NCAM2: variants seen among roughly 807,000 people sequenced by gnomAD.
NCAM2 encodes neural cell adhesion molecule 2.
A neutral mutation model predicts 98.1 loss-of-function variants in NCAM2; 30 were observed. The observed-to-expected ratio is 0.31, with a 90% CI of 0.23 to 0.41. NCAM2 has a LOEUF of 0.41. Among genes scored for constraint, NCAM2 ranks in the 10% least tolerant of loss-of-function variants. NCAM2 has a pLI of 1.00. For synonymous variants in NCAM2, 368 were observed against 342.4 expected (o/e 1.07, Z -0.83); for missense variants, 867 against 1,005.8 (o/e 0.86, Z 1.87).
intron 12 of NCAM2, among the ~76,000 whole-genome samples, chr21:21,449,662 T>G (rs1291628758): frequency 6.6e-6 from 1 of 152,012 alleles, no homozygotes; most frequent in Non-Finnish European, 1.5e-5. Context: ...CTATAAACAT[T>G]AAATATTTTA....
intron 1 of NCAM2, among the ~76,000 whole-genome samples, chr21:21,034,205 T>C (rs1313268576): frequency 3.3e-5 from 5 of 152,160 alleles, no homozygotes; most frequent in Non-Finnish European, 7.4e-5. Context: ...TTGGCTCCCA[T>C]CAAGGTTAAG....
intron 1 of NCAM2, among the ~76,000 whole-genome samples, chr21:21,065,460 C>T (rs1205396000): frequency 6.6e-6 from 1 of 152,130 alleles, no homozygotes; most frequent in Non-Finnish European, 1.5e-5. Context: ...CTTTACATAA[C>T]CCACAGTCTA....
chr21:21,441,390 A>G (rs1016042737), intron 12 of NCAM2, among the ~76,000 whole-genome samples: 15 of 152,324 alleles, frequency 9.8e-5, no homozygotes, highest in African/African-American at 3.6e-4. Flanking sequence ...TTTTAGTTAT[A>G]TTGAACAAAA....
chr21:21,140,457 A>G (rs1166772577), intron 1 of NCAM2, among the ~76,000 whole-genome samples: 1 of 152,186 alleles, frequency 6.6e-6, no homozygotes, highest in Non-Finnish European at 1.5e-5. Flanking sequence ...AAATAATGAT[A>G]ATCTTTTCCT....
chr21:21,096,592 TCTC>T (rs2066129367), intron 1 of NCAM2, among the ~76,000 whole-genome samples: 1 of 151,820 alleles, frequency 6.6e-6, no homozygotes, highest in Non-Finnish European at 1.5e-5. Flanking sequence ...GTGTTTTCCT[TCTC>T]CTAGTATCAT....
chr21:21,394,700 G>A (rs551508182), intron 9 of NCAM2, among the ~76,000 whole-genome samples: 118 of 151,634 alleles, frequency 7.8e-4, no homozygotes, highest in African/African-American at 2.7e-3. Flanking sequence ...TGTTAGCCAG[G>A]ATGGTCTCGA....
intron 1 of NCAM2, among the ~76,000 whole-genome samples, chr21:21,220,322 C>T (rs1309443349): frequency 6.6e-6 from 1 of 152,164 alleles, no homozygotes; most frequent in East Asian, 1.9e-4. Flanking sequence ...AATTTTTGTA[C>T]TGTGTTTTAC....
intron 1 of NCAM2, among the ~76,000 whole-genome samples, chr21:21,053,393 C>T (rs932165763): frequency 1.3e-5 from 2 of 151,806 alleles, no homozygotes; most frequent in African/African-American, 4.8e-5. Context: ...TTTTTTATTA[C>T]CAATACTGAT....
chr21:21,542,276 G>A lies in NCAM2; in HGVS notation c.*4319G>A, dbSNP rs768353930. The A allele has an allele frequency of 3.3e-5, 5 of 151,640 alleles. No homozygotes were observed. Among genetic ancestry groups the A allele is most frequent in the Non-Finnish European group, 7.4e-5 (5 of 67,772 alleles). The allele number at this position is 151,640 out of a possible 1,614,324, so 9.4% of individuals were successfully genotyped here. On this transcript the variant is annotated 3_prime_UTR_variant, in exon 18 of 18. Transcript: ENST00000400546. ...GATGCAGCTATTTACAATTATACAAGAATGCGAATAGATTAATTATATCTT... is the reference window on the plus strand; with the variant it reads ...GATGCAGCTATTTACAATTATACAAAAATGCGAATAGATTAATTATATCTT...
At chr21:21,293,278 T>C (rs1379756303) in intron 5 of NCAM2, among the ~76,000 whole-genome samples, 1 of 147,744 alleles carries the variant, frequency 6.8e-6, no homozygotes, top group Non-Finnish European at 1.5e-5. Context: ...TCCATGAGAG[T>C]GGTGATCTAA....
At chr21:21,198,150 A>G (rs2147002594) in intron 1 of NCAM2, among the ~76,000 whole-genome samples, 1 of 151,804 alleles carries the variant, frequency 6.6e-6, no homozygotes, top group South Asian at 2.1e-4. Flanking sequence ...CTACCTAAAC[A>G]GAATCTAGTT....
At chr21:21,497,644 A>G in intron 15 of NCAM2, among the ~76,000 whole-genome samples, 1 of 152,176 alleles carries the variant, frequency 6.6e-6, no homozygotes, top group East Asian at 1.9e-4. Flanking sequence ...ATTTTGACAA[A>G]ACATTTAAAA....
intron 15 of NCAM2, among the ~76,000 whole-genome samples, chr21:21,491,104 C>T (rs1291801475): frequency 6.6e-6 from 1 of 151,672 alleles, no homozygotes; most frequent in East Asian, 1.9e-4. Context: ...TAAACTTATA[C>T]TCATTAAGTT....
intron 9 of NCAM2, among the ~76,000 whole-genome samples, chr21:21,406,209 A>G (rs1053547806): frequency 3.9e-5 from 6 of 152,186 alleles, no homozygotes; most frequent in East Asian, 1.9e-4. Flanking sequence ...AGCCAAATAC[A>G]AGGACAAGTT....
chr21:21,184,987 A>G (rs2068593307), intron 1 of NCAM2, among the ~76,000 whole-genome samples: 1 of 152,144 alleles, frequency 6.6e-6, no homozygotes, highest in African/African-American at 2.4e-5. Context: ...AGTCAGCACT[A>G]ATTTAGTCAG....
rs573203831 is a variant in NCAM2 at position 21,451,734 on chromosome 21, A to G, written c.1655-14872A>G. Among the ~76,000 whole-genome samples the G allele has an allele frequency of 8.5e-5, 13 of 152,262 alleles. No individual in the cohort carries two copies. The South Asian group carries it at 1.9e-3, about 22-fold the overall frequency. On this transcript the variant is annotated intron_variant, in intron 12 of 17. Coordinates refer to ENST00000400546, the MANE Select transcript of NCAM2 (RefSeq NM_004540.5). Reference sequence around the variant, plus strand: ...CCGTTCTGGTAACGTGGGCTTGTCAATGAAAAATAAGATAAATTTCACATC... The same window carrying G: ...CCGTTCTGGTAACGTGGGCTTGTCAGTGAAAAATAAGATAAATTTCACATC...
chr21:21,374,809 A>G (rs1323231123), intron 9 of NCAM2, among the ~76,000 whole-genome samples: 1 of 151,878 alleles, frequency 6.6e-6, no homozygotes, highest in South Asian at 2.1e-4. Flanking sequence ...CTATTGGAGC[A>G]TGTCTAGTAC....
intron 1 of NCAM2, among the ~76,000 whole-genome samples, chr21:21,019,337 ATTT>A: frequency 6.6e-6 from 1 of 152,190 alleles, no homozygotes; most frequent in Non-Finnish European, 1.5e-5. Flanking sequence ...TTCAAAATTT[ATTT>A]TTATTTGTAG....
chr21:21,131,984 G>C (rs963511179), intron 1 of NCAM2, among the ~76,000 whole-genome samples: 8 of 152,122 alleles, frequency 5.3e-5, no homozygotes, highest in African/African-American at 1.9e-4. Context: ...ACACTTCTGT[G>C]GATCAGAAAT....
Sources: allele counts gnomAD v4.1 joint callset (sites outside exome capture counted in the v4.1 genomes callset), GRCh38; gene constraint gnomAD v4.1.1; transcripts MANE v1.5; gene names NCBI Gene and HGNC (gene_info 2026-07-23, HGNC 2026-07-21).